PLCG2: variants seen among roughly 807,000 people sequenced by gnomAD.
PLCG2 encodes the protein 1-phosphatidylinositol 4,5-bisphosphate phosphodiesterase gamma-2.
Under a neutral mutation model 175.6 loss-of-function variants are expected in PLCG2, and 69 were observed. The ratio of observed to expected loss-of-function variants is 0.39; its 90% CI spans 0.32 to 0.48. The LOEUF (loss-of-function observed/expected upper bound fraction) is 0.48. Ranked by LOEUF, PLCG2 falls within the 20% of genes least tolerant of loss-of-function variation. PLCG2 has a pLI of 0.91. For synonymous variants in PLCG2, 827 were observed against 624.0 expected (o/e 1.33, Z -4.85); for missense variants, 1,798 against 1,650.9 (o/e 1.09, Z -1.54).
At chr16:81,764,001 G>A (rs929498989) in intron 2 of PLCG2, among the ~76,000 whole-genome samples, 6 of 149,488 alleles carry the variant, frequency 4.0e-5, no homozygotes, top group African/African-American at 9.9e-5. Flanking sequence ...AAATAGTTAC[G>A]AAGTTCTGAG....
intron 1 of PLCG2, among the ~76,000 whole-genome samples, chr16:81,753,564 G>A (rs764219829): frequency 1.2e-4 from 19 of 152,006 alleles, no homozygotes; most frequent in Admixed American, 2.6e-4. Context: ...GATTATAGGC[G>A]CACATTACCA....
chr16:81,949,243 A>C (rs1190480695), intron 31 of PLCG2, among the ~76,000 whole-genome samples: 2 of 152,218 alleles, frequency 1.3e-5, no homozygotes, highest in Admixed American at 6.5e-5. Flanking sequence ...TAGCGAATAA[A>C]GGAAGTGTTT....
rs1227165671 is a variant in PLCG2, at chr16:81,907,744, T to C, written c.1527T>C (p.Ile509=). 1.9e-6 allele frequency: 3 copies of C among 1,613,762 alleles called. No individual in the cohort carries two copies. Among genetic ancestry groups the C allele is most frequent in the Non-Finnish European group, 2.5e-6 (3 of 1,179,840 alleles). ...CCAAGCTGTCCTTCAGTGATGACAT[T>C]GAACAGACTATGGAGGAGGAAGTGC... The part of the protein sequence containing the change: ...ADAKLSFSDD[I]EQTMEEEVPQ... The change falls in exon 16 of 33, where the codon ATT becomes ATC. Residue 509 remains isoleucine, a synonymous_variant. Coordinates refer to ENST00000564138, the MANE Select transcript of PLCG2 (RefSeq NM_002661.5).
intron 1 of PLCG2, among the ~76,000 whole-genome samples, chr16:81,751,709 G>C (rs548963462): frequency 9.9e-4 from 151 of 152,200 alleles, no homozygotes; most frequent in African/African-American, 3.4e-3. Flanking sequence ...AGATCATAAT[G>C]TCACTTTTTA....
At chr16:81,905,953 C>T (rs1909351981) in intron 15 of PLCG2, among the ~76,000 whole-genome samples, 1 of 152,178 alleles carries the variant, frequency 6.6e-6, no homozygotes, top group African/African-American at 2.4e-5. Context: ...AGCTTCTAAG[C>T]CTGGCCAACT....
At chr16:81,843,821 A>C (rs926854400) in intron 2 of PLCG2, among the ~76,000 whole-genome samples, 1 of 152,164 alleles carries the variant, frequency 6.6e-6, no homozygotes, top group African/African-American at 2.4e-5. Context: ...TGAAAGAAGA[A>C]CTCAATAGAA....
chr16:81,936,538 A>G (rs1405741332), intron 27 of PLCG2, among the ~76,000 whole-genome samples, 160 bp downstream of exon 27: 1 of 152,228 alleles, frequency 6.6e-6, no homozygotes, highest in East Asian at 1.9e-4. Flanking sequence ...TATGAGGTCC[A>G]GCAGCTGAAT....
At chr16:81,757,687 A>T (rs1909957340) in intron 2 of PLCG2, among the ~76,000 whole-genome samples, 1 of 152,160 alleles carries the variant, frequency 6.6e-6, no homozygotes, top group Non-Finnish European at 1.5e-5. Flanking sequence ...CACGCAATTC[A>T]CCCATTTAAA....
At chr16:81,883,939 G>A (rs1008934839) in intron 9 of PLCG2, among the ~76,000 whole-genome samples, 2 of 152,224 alleles carry the variant, frequency 1.3e-5, no homozygotes, top group African/African-American at 2.4e-5. Context: ...GCAGTGTCCA[G>A]AGACGACATG....
At chr16:81,741,389 A>G (rs570053640) in intron 1 of PLCG2, among the ~76,000 whole-genome samples, 7 of 152,334 alleles carry the variant, frequency 4.6e-5, no homozygotes, top group East Asian at 1.9e-4. Flanking sequence ...AGCATCCACT[A>G]TATCATATGG....
intron 2 of PLCG2, among the ~76,000 whole-genome samples, chr16:81,853,494 G>C (rs1167531457): frequency 6.6e-6 from 1 of 152,130 alleles, no homozygotes; most frequent in African/African-American, 2.4e-5. Context: ...GATTGCTTTA[G>C]GATAAAACTG....
intron 1 of PLCG2, among the ~76,000 whole-genome samples, chr16:81,750,663 ATTTTTT>A (rs543220131): frequency 1.6e-4 from 11 of 68,446 alleles, no homozygotes; most frequent in African/African-American, 2.5e-4. Context: ...GGGACTGGAG[ATTTTTT>A]TTTTTTTTTT....
intron 5 of PLCG2, among the ~76,000 whole-genome samples, chr16:81,866,712 A>C (rs1391561402): frequency 7.8e-6 from 1 of 128,838 alleles, no homozygotes; most frequent in Non-Finnish European, 1.7e-5. Context: ...GATGGGCTCC[A>C]CTGGGCACCA....
At position 81,877,419 on chromosome 16, in the gene PLCG2, C is replaced by T. The variant is rs183472687; in HGVS notation, c.649-3491C>T. 2.5e-3 allele frequency among the ~76,000 whole-genome samples: 388 copies of T among 152,316 alleles called. 1 individual carries two copies. Among genetic ancestry groups the T allele is most frequent in the African/African-American group, 9.1e-3 (378 of 41,568 alleles). ...ACAGTGAGCCGAGATTGCGCCACTG[C>T]ACTCCAGCCTGGGCGACACAGCGAG... On this transcript the variant is annotated intron_variant, in intron 7 of 32. Coordinates refer to ENST00000564138, the MANE Select transcript of PLCG2 (RefSeq NM_002661.5).
At chr16:81,804,388 G>A (rs1911897262) in intron 2 of PLCG2, among the ~76,000 whole-genome samples, 1 of 152,124 alleles carries the variant, frequency 6.6e-6, no homozygotes, top group Non-Finnish European at 1.5e-5. Flanking sequence ...ACTTTTCTGG[G>A]CCCCAGCATT....
chr16:81,910,372 T>G, intron 17 of PLCG2, 148 bp from the exon 18 acceptor site: 1 of 697,540 alleles, frequency 1.4e-6, no homozygotes, highest in East Asian at 2.7e-5. Context: ...ATTACAGGCA[T>G]GAGCCACTGC....
chr16:81,873,517 G>T (rs116592478), intron 7 of PLCG2, among the ~76,000 whole-genome samples: 1 of 151,848 alleles, frequency 6.6e-6, no homozygotes, highest in South Asian at 2.1e-4. Flanking sequence ...ATTGAGAAAA[G>T]CTCGATTTAC....
At chr16:81,805,161 A>G (rs1376027005) in intron 2 of PLCG2, among the ~76,000 whole-genome samples, 1 of 152,156 alleles carries the variant, frequency 6.6e-6, no homozygotes, top group African/African-American at 2.4e-5. Context: ...TTATGAAACA[A>G]GAGCTGATAA....
At chr16:81,823,070 A>T (rs924945626) in intron 2 of PLCG2, among the ~76,000 whole-genome samples, 32 of 152,386 alleles carry the variant, frequency 2.1e-4, no homozygotes, top group African/African-American at 7.7e-4. Flanking sequence ...TTGGTGCAGC[A>T]GCCGTAGGGC....
Sources: gnomAD v4.1 joint callset for allele counts (sites outside exome capture counted in the v4.1 genomes callset) on GRCh38, gnomAD v4.1.1 for gene constraint, MANE v1.5 for transcripts, NCBI Gene and HGNC (gene_info 2026-07-23, HGNC 2026-07-21) for gene names.